CNTN4: variants seen among roughly 807,000 people sequenced by gnomAD.
The protein encoded by CNTN4 is contactin-4.
Under a neutral mutation model 122.5 loss-of-function variants are expected in CNTN4, and 77 were observed. The observed-to-expected ratio is 0.63, with a 90% CI of 0.52 to 0.76. CNTN4 has a LOEUF of 0.76. CNTN4 is among the 30% of genes least tolerant of loss of function. The pLI is 0.00. For missense variants in CNTN4, 1,256 were observed against 1,259.1 expected, an observed-to-expected ratio of 1.00 and a Z score of 0.04; for synonymous variants, 512 against 447.0, an observed-to-expected ratio of 1.15 and a Z score of -1.83.
chr3:2,149,118 A>T (rs921467608), intron 2 of CNTN4, among the ~76,000 whole-genome samples: 3 of 152,310 alleles, frequency 2.0e-5, no homozygotes, highest in African/African-American at 7.2e-5. Flanking sequence ...TCAGTGAATC[A>T]GGCAAATTTC....
At chr3:2,398,823 T>C (rs1397789310) in intron 3 of CNTN4, among the ~76,000 whole-genome samples, 1 of 152,122 alleles carries the variant, frequency 6.6e-6, no homozygotes, top group African/African-American at 2.4e-5. Flanking sequence ...TCCTTTCAAT[T>C]TTGCTAACTT....
chr3:2,772,019 A>G (rs1057139265), intron 6 of CNTN4, among the ~76,000 whole-genome samples: 2 of 152,208 alleles, frequency 1.3e-5, no homozygotes, highest in African/African-American at 2.4e-5. Flanking sequence ...AAGGTTGTCA[A>G]ATATGAACTG....
intron 2 of CNTN4, among the ~76,000 whole-genome samples, chr3:2,326,383 AG>A (rs1360155632): frequency 6.6e-6 from 1 of 152,050 alleles, no homozygotes; most frequent in Non-Finnish European, 1.5e-5. Context: ...GACTGGAAAT[AG>A]ACTGTCAGCT....
At chr3:2,296,406 T>G (rs962611004) in intron 2 of CNTN4, among the ~76,000 whole-genome samples, 2 of 152,210 alleles carry the variant, frequency 1.3e-5, no homozygotes, top group Admixed American at 1.3e-4. Context: ...CCTTGTAAGT[T>G]GGATTCCTAG....
At chr3:2,569,879 G>A (rs192005458) in intron 3 of CNTN4, among the ~76,000 whole-genome samples, 235 of 152,198 alleles carry the variant, frequency 1.5e-3, no homozygotes, top group African/African-American at 4.6e-3. Flanking sequence ...CCTTGATAAC[G>A]GGATATCATA....
intron 2 of CNTN4, among the ~76,000 whole-genome samples, chr3:2,247,562 C>A (rs1390761952): frequency 1.3e-5 from 2 of 151,922 alleles, no homozygotes; most frequent in Admixed American, 6.6e-5. Context: ...TCTAGATTTG[C>A]GAATTTCTTG....
intron 3 of CNTN4, among the ~76,000 whole-genome samples, chr3:2,359,612 T>G (rs2045032844): frequency 6.6e-6 from 1 of 152,154 alleles, no homozygotes; most frequent in South Asian, 2.1e-4. Context: ...GGATCTAGGC[T>G]CACTGCAAGC....
At chr3:2,143,290 C>T (rs2035090537) in intron 2 of CNTN4, among the ~76,000 whole-genome samples, 1 of 152,160 alleles carries the variant, frequency 6.6e-6, no homozygotes, top group African/African-American at 2.4e-5. Context: ...GTTACCTTCA[C>T]AAATATTCTG....
At chr3:2,259,256 G>A (rs1402405496) in intron 2 of CNTN4, among the ~76,000 whole-genome samples, 1 of 152,160 alleles carries the variant, frequency 6.6e-6, no homozygotes, top group African/African-American at 2.4e-5. Flanking sequence ...CAACAAGGAG[G>A]AAGGGAGAAA....
chr3:2,883,086 T>C, intron 8 of CNTN4, 59 bp from the exon 9 acceptor site: 2 of 1,246,216 alleles, frequency 1.6e-6, no homozygotes, highest in South Asian at 1.3e-5. Context: ...AAAAATGAGT[T>C]TTACATTTTA....
At chr3:2,654,208 A>G (rs1375366963) in intron 4 of CNTN4, among the ~76,000 whole-genome samples, 1 of 152,222 alleles carries the variant, frequency 6.6e-6, no homozygotes, top group Non-Finnish European at 1.5e-5. Flanking sequence ...CCATTGAAAA[A>G]AAGAGTTTTT....
intron 4 of CNTN4, among the ~76,000 whole-genome samples, chr3:2,578,839 A>G (rs1197086328): frequency 6.6e-6 from 1 of 152,218 alleles, no homozygotes; most frequent in Non-Finnish European, 1.5e-5. Context: ...AAGACAGCTA[A>G]TAACTAGATT....
chr3:2,730,166 A>G (rs2088576775), intron 4 of CNTN4, among the ~76,000 whole-genome samples: 1 of 152,198 alleles, frequency 6.6e-6, no homozygotes, highest in Admixed American at 6.5e-5. Flanking sequence ...TTGCATATAT[A>G]TAATGAGATA....
At chr3:2,863,950 T>A (rs2150802373) in intron 7 of CNTN4, among the ~76,000 whole-genome samples, 1 of 152,342 alleles carries the variant, frequency 6.6e-6, no homozygotes, top group South Asian at 2.1e-4. Flanking sequence ...CAGGAGGCAC[T>A]TCCGGTTGTT....
chr3:2,194,383 C>G (rs1367280144), intron 2 of CNTN4, among the ~76,000 whole-genome samples: 1 of 152,008 alleles, frequency 6.6e-6, no homozygotes, highest in Non-Finnish European at 1.5e-5. Flanking sequence ...ATCACTTGAG[C>G]CTGAGAGGTT....
At position 2,259,459 on chromosome 3, in the gene CNTN4, G is replaced by A. The variant is rs188769261; in HGVS notation, c.-144-79719G>A. ...AAGTCTATAGCTGGTGCATTAGTCC[G>A]TTTTCACGCTGCTGATAAAGACATA... On this transcript the variant is annotated intron_variant, in intron 2 of 24. Transcript: ENST00000418658. 1.7e-3 allele frequency among the ~76,000 whole-genome samples: 259 copies of A among 152,248 alleles called. 1 individual carries two copies. Among genetic ancestry groups the A allele is most frequent in the Non-Finnish European group, 3.1e-3 (208 of 68,016 alleles).
intron 4 of CNTN4, among the ~76,000 whole-genome samples, chr3:2,637,837 G>A (rs528705134): frequency 6.6e-6 from 1 of 151,944 alleles, no homozygotes; most frequent in African/African-American, 2.4e-5. Context: ...TCTAACTTCC[G>A]ATTACAGACG....
At chr3:2,685,163 A>C (rs1311212511) in intron 4 of CNTN4, among the ~76,000 whole-genome samples, 1 of 152,152 alleles carries the variant, frequency 6.6e-6, no homozygotes, top group East Asian at 1.9e-4. Context: ...AAATGTCCAC[A>C]TCAGGAATCA....
intron 3 of CNTN4, among the ~76,000 whole-genome samples, chr3:2,416,104 C>A (rs2047401385): frequency 1.3e-5 from 2 of 149,456 alleles, no homozygotes; most frequent in Admixed American, 1.3e-4. Context: ...AGTGAACAAT[C>A]TAGGGAAGCA....
Sources: allele counts gnomAD v4.1 joint callset (sites outside exome capture counted in the v4.1 genomes callset), GRCh38; gene constraint gnomAD v4.1.1; transcripts MANE v1.5; gene names NCBI Gene and HGNC (gene_info 2026-07-23, HGNC 2026-07-21).